WDR64: variants seen among roughly 807,000 people sequenced by gnomAD.
WDR64 encodes the protein WD repeat-containing protein 64.
WDR64 carries 112 observed loss-of-function variants against 139.3 expected under a neutral mutation model. The ratio of observed to expected loss-of-function variants is 0.80; its 90% CI spans 0.69 to 0.94. The LOEUF (loss-of-function observed/expected upper bound fraction) is 0.94, where lower values mean the gene tolerates loss of function less well. Ranked by LOEUF, WDR64 falls within the 40% of genes least tolerant of loss-of-function variation. The pLI, the probability that WDR64 is intolerant of heterozygous loss-of-function variation, is 0.00. For missense variants in WDR64, 1,206 were observed against 1,293.1 expected (o/e 0.93, Z 1.03); for synonymous variants, 444 against 437.7 (o/e 1.01, Z -0.18).
At chr1:241,657,429 C>T (rs1011471336) in intron 1 of WDR64, among the ~76,000 whole-genome samples, 2 of 152,202 alleles carry the variant, frequency 1.3e-5, no homozygotes, top group African/African-American at 4.8e-5. Flanking sequence ...CTGACTCTAG[C>T]TCTGCCCTCC....
At chr1:241,731,391 C>T (rs1034162057) in intron 10 of WDR64, among the ~76,000 whole-genome samples, 7 of 151,868 alleles carry the variant, frequency 4.6e-5, no homozygotes, top group African/African-American at 1.7e-4. Flanking sequence ...TATGTCCTAA[C>T]ATAGATGTAA....
chr1:241,692,181 C>T (rs1255221095), intron 8 of WDR64, among the ~76,000 whole-genome samples: 3 of 152,100 alleles, frequency 2.0e-5, no homozygotes, highest in Non-Finnish European at 4.4e-5. Flanking sequence ...AGATATTCCA[C>T]GTTCATGAAT....
At chr1:241,697,344 T>C (rs954212974) in intron 8 of WDR64, among the ~76,000 whole-genome samples, 6 of 152,218 alleles carry the variant, frequency 3.9e-5, no homozygotes, top group African/African-American at 1.2e-4. Context: ...TCTTCTTTTC[T>C]TTTTGTTTCA....
At chr1:241,740,791 G>T (rs1342378559) in intron 11 of WDR64, among the ~76,000 whole-genome samples, 7 of 151,744 alleles carry the variant, frequency 4.6e-5, no homozygotes, top group African/African-American at 1.7e-4. Context: ...TCAGCCTCTC[G>T]AGTAGCTGGG....
intron 13 of WDR64, among the ~76,000 whole-genome samples, chr1:241,745,637 GTCAGAGTC>G (rs1199009011): frequency 6.9e-6 from 1 of 144,414 alleles, no homozygotes; most frequent in Non-Finnish European, 1.5e-5. Context: ...TTTATTTGGA[GTCAGAGTC>G]TCACTGTGTT....
chr1:241,759,091 ATTC>A (rs1182363509), intron 15 of WDR64, among the ~76,000 whole-genome samples: 2 of 152,172 alleles, frequency 1.3e-5, no homozygotes, highest in African/African-American at 2.4e-5. Flanking sequence ...TATATAATGT[ATTC>A]TTCTATATAA....
chr1:241,798,910 G>A (rs937330740), intron 27 of WDR64, among the ~76,000 whole-genome samples: 1 of 152,162 alleles, frequency 6.6e-6, no homozygotes, highest in African/African-American at 2.4e-5. Context: ...CAGAACATGA[G>A]TTTGTATTTC....
intron 25 of WDR64, 36 bp downstream of exon 25, chr1:241,790,732 C>T (rs1018848261): frequency 3.6e-6 from 5 of 1,392,062 alleles, no homozygotes; most frequent in Non-Finnish European, 4.9e-6. Flanking sequence ...GAAATGGCAA[C>T]AACAACAAAA....
intron 12 of WDR64, among the ~76,000 whole-genome samples, chr1:241,743,008 T>C (rs1669607959): frequency 6.6e-6 from 1 of 152,206 alleles, no homozygotes; most frequent in Non-Finnish European, 1.5e-5. Context: ...CCCTTCAAAT[T>C]ACCTCTCAGT....
intron 2 of WDR64, among the ~76,000 whole-genome samples, chr1:241,670,501 T>A (rs1339997488): frequency 6.6e-6 from 1 of 152,248 alleles, no homozygotes; most frequent in Non-Finnish European, 1.5e-5. Flanking sequence ...AATAGATCTA[T>A]CAGTCTGAGT....
Position 241,775,146 on chromosome 1 carries a change from TG to T in WDR64, c.2473del (p.Ala825ProfsTer4). The T allele has an allele frequency of 6.4e-7, 1 of 1,551,250 alleles. No individual in the cohort carries two copies. Among genetic ancestry groups the T allele is most frequent in the Admixed American group, 2.0e-5 (1 of 51,008 alleles). On this transcript the variant is annotated frameshift_variant, in exon 21 of 28. Transcript: ENST00000437684. LOFTEE classifies it high-confidence loss of function. ...KDMLPFTKHS[A>X]ISLTSLYTDS... Reference sequence around the variant, plus strand: ...ATATGCTACCTTTCACAAAACATTCTGCCATTTCTCTGACATCGCTGTATAC... The same window carrying T: ...ATATGCTACCTTTCACAAAACATTCTCCATTTCTCTGACATCGCTGTATAC...
rs77321424 is a variant in WDR64 at position 241,654,893 on chromosome 1, T to G, written c.145+2264T>G. Among the ~76,000 whole-genome samples, 1,472 of 152,290 alleles carry G rather than the reference T, an allele frequency of 9.7e-3. 25 individuals carry two copies. Among genetic ancestry groups the G allele is most frequent in the African/African-American group, 0.034 (1,416 of 41,576 alleles). The stretch of plus-strand genomic sequence containing the variant: ...GGGTGTATATTAAGTGTAAATAAAT[T>G]TTGTGTTTAAACTTGTGTCCTATTC... On this transcript the variant is annotated intron_variant, in intron 1 of 27. Coordinates refer to ENST00000437684, the MANE Select transcript of WDR64 (RefSeq NM_001367482.1).
chr1:241,654,162 C>T (rs1019595200), intron 1 of WDR64, among the ~76,000 whole-genome samples: 1 of 152,174 alleles, frequency 6.6e-6, no homozygotes, highest in African/African-American at 2.4e-5. Flanking sequence ...TCTATTTCTC[C>T]TCCCCTTCAA....
chr1:241,771,402 G>A (rs903379917), intron 18 of WDR64, among the ~76,000 whole-genome samples: 1 of 152,072 alleles, frequency 6.6e-6, no homozygotes, highest in Non-Finnish European at 1.5e-5. Context: ...ACCAGGAACC[G>A]AGCATGCATC....
intron 13 of WDR64, among the ~76,000 whole-genome samples, chr1:241,745,076 G>T (rs1168526125): frequency 6.6e-6 from 1 of 152,176 alleles, no homozygotes; most frequent in Non-Finnish European, 1.5e-5. Flanking sequence ...TGGAGCACTG[G>T]TAGGACTTCC....
Position 241,725,498 on chromosome 1 carries a change from C to A in WDR64, c.1194+2062C>A, listed in dbSNP as rs968728396. Among the ~76,000 whole-genome samples, 10 of 151,912 alleles carry A rather than the reference C, an allele frequency of 6.6e-5. No homozygotes were observed. In the East Asian group the frequency reaches 1.4e-3, roughly 21 times the overall value. ...ACCCTTCGATGGAAGCAATCGGGAT[C>A]TCCAAGGCCCAGTCGTTCCCTCCAT... On this transcript the variant is annotated intron_variant, in intron 10 of 27. Coordinates refer to ENST00000437684, the MANE Select transcript of WDR64 (RefSeq NM_001367482.1).
intron 14 of WDR64, among the ~76,000 whole-genome samples, chr1:241,754,057 A>G (rs896628295): frequency 6.6e-6 from 1 of 152,116 alleles, no homozygotes; most frequent in African/African-American, 2.4e-5. Context: ...AATGCAGAAA[A>G]AAAACTCCAC....
chr1:241,728,110 A>G (rs895930710), intron 10 of WDR64, among the ~76,000 whole-genome samples: 9 of 152,122 alleles, frequency 5.9e-5, no homozygotes, highest in African/African-American at 2.2e-4. Flanking sequence ...AGGTGGGTGG[A>G]TTATTTGAGG....
In WDR64 at chr1:241,674,409, A is replaced by G. The variant is rs115216821; in HGVS notation, c.380-235A>G. 9.5e-3 allele frequency among the ~76,000 whole-genome samples: 1,446 copies of G among 151,842 alleles called. 22 individuals are homozygous for G. Among genetic ancestry groups the G allele is most frequent in the African/African-American group, 0.033 (1,369 of 41,412 alleles). On this transcript the variant is annotated intron_variant, in intron 3 of 27. Transcript: ENST00000437684. ...GGAACTGGGACTATAGGCATGACCC[A>G]TCACATTCAGCTAATTTTGTGTTTT...
Sources: allele counts gnomAD v4.1 joint callset (sites outside exome capture counted in the v4.1 genomes callset), GRCh38; gene constraint gnomAD v4.1.1; transcripts MANE v1.5; gene names NCBI Gene and HGNC (gene_info 2026-07-23, HGNC 2026-07-21).